Variants in NEBL observed in about 807,000 individuals in gnomAD.
The protein encoded by NEBL is LIM and SH3 protein 2.
Under a neutral mutation model 140.2 loss-of-function variants are expected in NEBL, and 122 were observed. That is an observed-to-expected ratio of 0.87 (90% CI 0.75 to 1.01). The LOEUF (loss-of-function observed/expected upper bound fraction) is 1.01. Among genes scored for constraint, NEBL ranks in the 50% least tolerant of loss-of-function variants. The pLI is 0.00. For missense variants in NEBL, 1,365 were observed against 1,231.3 expected (o/e 1.11, Z -1.62); for synonymous variants, 436 against 398.9 (o/e 1.09, Z -1.11).
At chr10:21,050,521 C>A (rs768060201) in intron 2 of NEBL, among the ~76,000 whole-genome samples, 13 of 152,154 alleles carry the variant, frequency 8.5e-5, no homozygotes, top group Non-Finnish European at 1.5e-5. Context: ...CCTTTGTCTG[C>A]AAAGAAGCAG....
chr10:21,132,961 G>T (rs993549863), intron 2 of NEBL, among the ~76,000 whole-genome samples: 1 of 152,156 alleles, frequency 6.6e-6, no homozygotes, highest in Non-Finnish European at 1.5e-5. Context: ...TGTCCTTGAA[G>T]GACAGGTGTT....
chr10:20,786,902 T>C (rs112166149), intron 27 of NEBL, among the ~76,000 whole-genome samples: 83 of 152,292 alleles, frequency 5.5e-4, no homozygotes, highest in African/African-American at 2.0e-3. Context: ...TCCTAAGGCA[T>C]GAGTAAAGAG....
upstream of NEBL, chr10:20,899,375 T>C (rs1294800039): frequency 1.5e-6 from 2 of 1,301,046 alleles, no homozygotes; most frequent in South Asian, 1.2e-5. Context: ...CAAGGTGAAT[T>C]ACCTTCATCA....
intron 3 of NEBL, among the ~76,000 whole-genome samples, chr10:21,245,143 A>G (rs1842499456): frequency 6.6e-6 from 1 of 152,162 alleles, no homozygotes. Context: ...CAGCCTGGGC[A>G]ACGGAGCAAG....
At chr10:21,187,177 G>A (rs934921269) in intron 3 of NEBL, among the ~76,000 whole-genome samples, 2 of 151,990 alleles carry the variant, frequency 1.3e-5, no homozygotes, top group African/African-American at 4.8e-5. Flanking sequence ...TTACCAAAGT[G>A]CCCTGTGAAG....
intron 4 of NEBL, among the ~76,000 whole-genome samples, chr10:20,904,724 G>A (rs934413568): frequency 3.9e-5 from 6 of 152,198 alleles, no homozygotes; most frequent in Admixed American, 3.3e-4. Context: ...GCAAGTTCTT[G>A]CTTGAAAAGC....
intron 11 of NEBL, among the ~76,000 whole-genome samples, chr10:20,849,572 C>T (rs1842310779): frequency 6.6e-6 from 1 of 152,136 alleles, no homozygotes; most frequent in African/African-American, 2.4e-5. Context: ...CCCATCTCCT[C>T]CTCTAAGGCA....
At chr10:21,216,179 C>T (rs1228623480) in intron 3 of NEBL, among the ~76,000 whole-genome samples, 2 of 152,154 alleles carry the variant, frequency 1.3e-5, no homozygotes, top group African/African-American at 4.8e-5. Flanking sequence ...TACAGAGTGA[C>T]TCTGAACCAC....
In NEBL at chr10:20,826,520, A is replaced by C; in HGVS notation, c.1796T>G (p.Val599Gly). 6.2e-7 allele frequency: 1 copy of C among 1,611,578 alleles called. No individual in the cohort carries two copies. Among genetic ancestry groups the C allele is most frequent in the Non-Finnish European group, 8.5e-7 (1 of 1,178,208 alleles). Residue 599 changes from valine to glycine, a missense_variant, in exon 18 of 28, where the codon GTG (valine) becomes GGG (glycine). Physicochemically the swap from Val to Gly is moderately radical, Grantham distance 109 (BLOSUM62 -3). Coordinates refer to ENST00000377122, the MANE Select transcript of NEBL (RefSeq NM_006393.3). ...NISAVFYKKEVGAGTAVKDSP... is the reference protein window; with the variant it reads ...NISAVFYKKEGGAGTAVKDSP... ...ATCTTTCACTGCAGTGCCAGCTCCC[A>C]CTTCTTTCTTATAAAATACCTTTAT... is the stretch of plus-strand genomic sequence containing the variant.
chr10:21,266,647 C>G (rs1842799729), intron 1 of NEBL, among the ~76,000 whole-genome samples: 1 of 152,228 alleles, frequency 6.6e-6, no homozygotes, highest in South Asian at 2.1e-4. Context: ...ACGGTGCTCC[C>G]TGGGGGGACT....
chr10:21,081,373 T>C (rs1299440191), intron 2 of NEBL, among the ~76,000 whole-genome samples: 1 of 152,174 alleles, frequency 6.6e-6, no homozygotes, highest in Non-Finnish European at 1.5e-5. Context: ...GATGTGAGGC[T>C]TGTTATGCAC....
intron 2 of NEBL, among the ~76,000 whole-genome samples, chr10:21,155,701 G>T (rs983637604): frequency 3.9e-5 from 6 of 152,182 alleles, no homozygotes; most frequent in African/African-American, 1.4e-4. Context: ...TGACACACCT[G>T]AAAAGACCAG....
intron 4 of NEBL, among the ~76,000 whole-genome samples, chr10:20,902,353 C>T (rs570539708): frequency 1.2e-4 from 18 of 151,912 alleles, no homozygotes; most frequent in African/African-American, 2.4e-4. Context: ...TTGCAGTGAG[C>T]CAAGATCGCA....
intron 5 of NEBL, among the ~76,000 whole-genome samples, chr10:20,871,465 G>GT (rs1477588914): frequency 6.6e-6 from 1 of 152,160 alleles, no homozygotes; most frequent in Non-Finnish European, 1.5e-5. Flanking sequence ...AAGATCAAGT[G>GT]TAAGAAGTGA....
intron 4 of NEBL, among the ~76,000 whole-genome samples, chr10:20,952,917 A>AAG (rs1160772631): frequency 4.0e-5 from 6 of 150,854 alleles, no homozygotes; most frequent in African/African-American, 1.5e-4. Context: ...AAAAAAAAAA[A>AAG]AAAAAAAAGA....
At chr10:20,859,037 C>G (rs186194588) in intron 8 of NEBL, among the ~76,000 whole-genome samples, 1 of 152,222 alleles carries the variant, frequency 6.6e-6, no homozygotes, top group East Asian at 1.9e-4. Flanking sequence ...AAGTATATTT[C>G]ATCTCTATTT....
intron 2 of NEBL, among the ~76,000 whole-genome samples, chr10:21,046,451 T>C (rs1245712589): frequency 6.6e-6 from 1 of 152,226 alleles, no homozygotes; most frequent in Non-Finnish European, 1.5e-5. Flanking sequence ...CAAAACATCA[T>C]GCTAGACACC....
intron 2 of NEBL, among the ~76,000 whole-genome samples, chr10:21,134,521 C>T (rs1187893546): frequency 1.3e-5 from 2 of 152,174 alleles, no homozygotes; most frequent in Non-Finnish European, 2.9e-5. Context: ...TGTAAACCCA[C>T]ATTATAAGCA....
chr10:20,972,907 A>C (rs1836642342), intron 3 of NEBL, among the ~76,000 whole-genome samples: 1 of 152,178 alleles, frequency 6.6e-6, no homozygotes, highest in South Asian at 2.1e-4. Flanking sequence ...TTAAAATATA[A>C]ATCTCCTAGA....
Sources: gnomAD v4.1 joint callset for allele counts (sites outside exome capture counted in the v4.1 genomes callset) on GRCh38, gnomAD v4.1.1 for gene constraint, MANE v1.5 for transcripts, NCBI Gene and HGNC (gene_info 2026-07-23, HGNC 2026-07-21) for gene names.